The following CACNG5 variants were observed in gnomAD, a reference collection of about 807,000 sequenced individuals.
CACNG5 encodes the protein calcium voltage-gated channel auxiliary subunit gamma 5.
In CACNG5, 18 loss-of-function variants were observed where a neutral mutation model predicts 24.8. The ratio of observed to expected loss-of-function variants is 0.73; its 90% CI spans 0.50 to 1.08. CACNG5 has a LOEUF of 1.08. CACNG5 is among the 50% of genes least tolerant of loss of function. The pLI is 0.00. For missense variants in CACNG5, 349 were observed against 367.9 expected (o/e 0.95, Z 0.42); for synonymous variants, 157 against 149.1 (o/e 1.05, Z -0.39).
rs1401121702 is a variant in CACNG5, at chr17:66,892,766, A to T, written c.*7526A>T. Among the ~76,000 whole-genome samples the T allele has an allele frequency of 1.3e-5, 2 of 152,232 alleles. No individual in the cohort carries two copies. The highest frequency in any genetic ancestry group is 2.9e-5 in the Non-Finnish European group (2 of 68,054). ...TTTTCATTAACAAAATGGTGAAGAG[A>T]CTAAATTAAACCACATAAGGTGAGT... is the stretch of plus-strand genomic sequence containing the variant. On this transcript the variant is annotated 3_prime_UTR_variant, in exon 6 of 6. Coordinates refer to ENST00000533854, the MANE Select transcript of CACNG5 (RefSeq NM_145811.3).
In CACNG5 at chr17:66,885,037, A is replaced by C. The variant is rs201800034; in HGVS notation, c.625A>C (p.Met209Leu). Residue 209 changes from methionine (M) to leucine (L), a missense_variant, in exon 6 of 6, where the codon ATG becomes CTG. Physicochemically the swap from Met to Leu is conservative, Grantham distance 15. Coordinates refer to ENST00000533854, the MANE Select transcript of CACNG5 (RefSeq NM_145811.3). The part of the protein sequence containing the change: ...LFMKRYTAED[M>L]YRPHPGFYRP... Reference sequence around the variant, plus strand: ...TATGAAGCGGTACACCGCGGAGGACATGTACAGGCCCCACCCTGGCTTCTA... The same window carrying C: ...TATGAAGCGGTACACCGCGGAGGACCTGTACAGGCCCCACCCTGGCTTCTA... 1.9e-6 allele frequency: 3 copies of C among 1,614,022 alleles called. No homozygotes were observed. In the African/African-American group the frequency reaches 4.0e-5, roughly 22 times the overall value.
chr17:66,864,717 T>C (rs1332491291), intron 1 of CACNG5, among the ~76,000 whole-genome samples: 1 of 152,244 alleles, frequency 6.6e-6, no homozygotes, highest in African/African-American at 2.4e-5. Context: ...GAATAGCTGG[T>C]AGTTCCCACT....
At chr17:66,837,299 A>G (rs1446609877) in intron 1 of CACNG5, among the ~76,000 whole-genome samples, 10 of 152,208 alleles carry the variant, frequency 6.6e-5, no homozygotes, top group African/African-American at 2.4e-4. Context: ...GTAGCAGGGT[A>G]GCTCACAGAT....
At chr17:66,877,782 C>G (rs953887712) in intron 2 of CACNG5, among the ~76,000 whole-genome samples, 3 of 152,224 alleles carry the variant, frequency 2.0e-5, no homozygotes, top group Admixed American at 6.5e-5. Flanking sequence ...TGTAACTATG[C>G]CTTCCCCACA....
At chr17:66,853,224 A>G (rs1038844431) in intron 1 of CACNG5, among the ~76,000 whole-genome samples, 1 of 152,192 alleles carries the variant, frequency 6.6e-6, no homozygotes, top group African/African-American at 2.4e-5. Context: ...GTAGTATTCT[A>G]TATACCACAG....
intron 1 of CACNG5, among the ~76,000 whole-genome samples, chr17:66,856,689 A>C (rs546344386): frequency 6.6e-6 from 1 of 151,992 alleles, no homozygotes; most frequent in Admixed American, 6.5e-5. Context: ...TTACAGGTAC[A>C]TGCCACCATG....
At position 66,889,646 on chromosome 17, in the gene CACNG5, C is replaced by T. The variant is rs926191371; in HGVS notation, c.*4406C>T. ...GGTTGGGCTGGAGACCCGGTGAGGA[C>T]TTGCAGTTCAAGTCCAAACTTGCAG... On this transcript the variant is annotated 3_prime_UTR_variant, in exon 6 of 6. Coordinates refer to ENST00000533854, the MANE Select transcript of CACNG5 (RefSeq NM_145811.3). 7.2e-5 allele frequency among the ~76,000 whole-genome samples: 11 copies of T among 152,218 alleles called. No individual in the cohort carries two copies. The highest frequency in any genetic ancestry group is 1.5e-4 in the Non-Finnish European group (10 of 68,042).
intron 1 of CACNG5, among the ~76,000 whole-genome samples, chr17:66,862,892 C>CTCTCTGTGTGTGTGTGTGTGTGTG (rs567913804): frequency 3.5e-5 from 5 of 142,260 alleles, no homozygotes; most frequent in East Asian, 2.0e-4. Context: ...AGCATATTCT[C>CTCTCTGTGTGTGTGTGTGTGTGTG]TGTGTGTGTG....
rs1359769480 is a variant in CACNG5, at chr17:66,887,854, G to C, written c.*2614G>C. Among the ~76,000 whole-genome samples, 1 of 152,156 alleles carries C rather than the reference G, an allele frequency of 6.6e-6. No homozygotes were observed. The highest frequency in any genetic ancestry group is 1.9e-4 in the East Asian group (1 of 5,178). On this transcript the variant is annotated 3_prime_UTR_variant, in exon 6 of 6. Transcript: ENST00000533854. ...GGTCATTACCTGTTTGGGGGTGGGTGCATGTGTCAATAATCACATCACCAT... is the reference window on the plus strand; with the variant it reads ...GGTCATTACCTGTTTGGGGGTGGGTCCATGTGTCAATAATCACATCACCAT...
At chr17:66,862,892 C>CTGTGTGTG (rs56308917) in intron 1 of CACNG5, among the ~76,000 whole-genome samples, 2,004 of 142,112 alleles carry the variant, frequency 0.014, 33 homozygotes, top group African/African-American at 0.032. Flanking sequence ...AGCATATTCT[C>CTGTGTGTG]TGTGTGTGTG....
At chr17:66,878,342 C>T (rs531605670) in intron 2 of CACNG5, among the ~76,000 whole-genome samples, 18 of 152,332 alleles carry the variant, frequency 1.2e-4, no homozygotes, top group African/African-American at 4.3e-4. Flanking sequence ...TGGGAAGAGA[C>T]ACAGTTTGGC....
At chr17:66,841,576 C>T (rs1452379416) in intron 1 of CACNG5, among the ~76,000 whole-genome samples, 1 of 152,120 alleles carries the variant, frequency 6.6e-6, no homozygotes, top group Admixed American at 6.5e-5. Context: ...CTGCCCTAGG[C>T]AAGGAGAGCC....
chr17:66,870,818 AAAAATACAAAAATTAGC>A (rs1474741792), intron 1 of CACNG5, among the ~76,000 whole-genome samples: 1 of 152,106 alleles, frequency 6.6e-6, no homozygotes, highest in Non-Finnish European at 1.5e-5. Context: ...ATCTCTATTT[AAAAATACAAAAATTAGC>A]TGGGTGTGGT....
At chr17:66,835,814 C>T (rs1343636074) in intron 1 of CACNG5, among the ~76,000 whole-genome samples, 1 of 151,944 alleles carries the variant, frequency 6.6e-6, no homozygotes, top group African/African-American at 2.4e-5. Context: ...GATGGACTCG[C>T]GGGGGTGATC....
chr17:66,867,548 G>T lies in CACNG5; in HGVS notation c.-103-9682G>T, dbSNP rs148491653. Among the ~76,000 whole-genome samples, 891 of 152,230 alleles carry T rather than the reference G, an allele frequency of 5.9e-3. 6 individuals carry two copies. The highest frequency in any genetic ancestry group is 0.017 in the Middle Eastern group (5 of 294). ...ATTTCATCATAAAATCTTTGCCCAT[G>T]CCTGTGTCCTGAATGGTATTGGCTA... On this transcript the variant is annotated intron_variant, in intron 1 of 5. Transcript: ENST00000533854.
intron 1 of CACNG5, among the ~76,000 whole-genome samples, chr17:66,835,669 C>A (rs1026430939): frequency 1.3e-5 from 2 of 152,254 alleles, no homozygotes; most frequent in African/African-American, 2.4e-5. Flanking sequence ...TCGGCCTATG[C>A]GGGTCCAACT....
chr17:66,879,551 A>G (rs77962740), intron 3 of CACNG5, among the ~76,000 whole-genome samples: 228 of 152,290 alleles, frequency 1.5e-3, no homozygotes, highest in African/African-American at 4.7e-3. Context: ...ATCAGGTTCA[A>G]TAATTGCAAA....
At position 66,888,310 on chromosome 17, in the gene CACNG5, C is replaced by T. The variant is rs912428230; in HGVS notation, c.*3070C>T. 6.0e-5 allele frequency among the ~76,000 whole-genome samples: 9 copies of T among 150,238 alleles called. No individual in the cohort carries two copies. The highest frequency in any genetic ancestry group is 2.0e-4 in the East Asian group (1 of 5,112). On this transcript the variant is annotated 3_prime_UTR_variant, in exon 6 of 6. Coordinates refer to ENST00000533854, the MANE Select transcript of CACNG5 (RefSeq NM_145811.3). ...CTGTAATCCCAGCACTTTGGGAGGC[C>T]GAGGCAGGCAGATCACTAGGTCAGG...
chr17:66,877,422 C>T lies in CACNG5; in HGVS notation c.90C>T (p.Thr30=), dbSNP rs770523089. Residue 30 remains threonine, a synonymous_variant, in exon 2 of 6, where the codon ACC becomes ACT. Coordinates refer to ENST00000533854, the MANE Select transcript of CACNG5 (RefSeq NM_145811.3). ...GLGLLGIAVS[T]DYWLYLEEGV... ...GCCTCCTGGGTATCGCGGTCAGCAC[C>T]GACTACTGGCTGTACCTGGAGGAGG... is the stretch of plus-strand genomic sequence containing the variant. The T allele has an allele frequency of 5.6e-6, 9 of 1,613,934 alleles. No homozygotes were observed. Among genetic ancestry groups the T allele is most frequent in the Admixed American group, 5.0e-5 (3 of 59,996 alleles).
Sources: gnomAD v4.1 joint callset for allele counts (sites outside exome capture counted in the v4.1 genomes callset) on GRCh38, gnomAD v4.1.1 for gene constraint, MANE v1.5 for transcripts, NCBI Gene and HGNC (gene_info 2026-07-23, HGNC 2026-07-21) for gene names.